The following CEP128 variants were observed in gnomAD, a reference collection of about 807,000 sequenced individuals.
The protein encoded by CEP128 is centrosomal protein 128.
CEP128 carries 132 observed loss-of-function variants against 156.7 expected under a neutral mutation model. That is an observed-to-expected ratio of 0.84 (90% CI 0.73 to 0.97). The LOEUF (loss-of-function observed/expected upper bound fraction) is 0.97, where lower values mean the gene tolerates loss of function less well. CEP128 is among the 50% of genes least tolerant of loss of function. The pLI is 0.00. For missense variants in CEP128, 1,252 were observed against 1,281.9 expected (o/e 0.98, Z 0.36); for synonymous variants, 469 against 448.9 (o/e 1.04, Z -0.57).
chr14:80,761,306 A>G (rs953886216), intron 17 of CEP128, 131 bp downstream of exon 17: 1 of 657,760 alleles, frequency 1.5e-6, no homozygotes, highest in Non-Finnish European at 2.4e-6. Context: ...ATTCTAAAAA[A>G]TGCAAAATGT....
chr14:80,529,794 T>G (rs911540649), intron 22 of CEP128, among the ~76,000 whole-genome samples: 1 of 152,214 alleles, frequency 6.6e-6, no homozygotes, highest in Admixed American at 6.5e-5. Context: ...AATCAAACAC[T>G]TGGTTTTGTT....
intron 13 of CEP128, among the ~76,000 whole-genome samples, chr14:80,809,417 G>A (rs918175956): frequency 6.6e-6 from 1 of 152,044 alleles, no homozygotes; most frequent in Non-Finnish European, 1.5e-5. Flanking sequence ...AAGGTGAGGA[G>A]GAAAGAAAGT....
intron 12 of CEP128, among the ~76,000 whole-genome samples, chr14:80,832,874 T>C (rs1885879963): frequency 6.6e-6 from 1 of 152,184 alleles, no homozygotes; most frequent in African/African-American, 2.4e-5. Flanking sequence ...GAATTTATCC[T>C]ACAAACCAAG....
intron 19 of CEP128, among the ~76,000 whole-genome samples, chr14:80,703,005 C>A (rs1398111968): frequency 6.6e-6 from 1 of 152,000 alleles, no homozygotes; most frequent in East Asian, 1.9e-4. Context: ...TGTATTTAAA[C>A]TATTTTTATG....
intron 6 of CEP128, among the ~76,000 whole-genome samples, chr14:80,903,690 AAC>A: frequency 6.6e-6 from 1 of 152,228 alleles, no homozygotes; most frequent in South Asian, 2.1e-4. Context: ...AGAGGACCTG[AAC>A]AGACATTTCT....
At chr14:80,598,805 G>T (rs143997901) in intron 19 of CEP128, among the ~76,000 whole-genome samples, 1 of 152,208 alleles carries the variant, frequency 6.6e-6, no homozygotes, top group African/African-American at 2.4e-5. Flanking sequence ...AAAAGTAATT[G>T]AACAGAATAG....
At chr14:80,533,697 C>G (rs1889341356) in intron 21 of CEP128, among the ~76,000 whole-genome samples, 1 of 152,098 alleles carries the variant, frequency 6.6e-6, no homozygotes, top group Non-Finnish European at 1.5e-5. Flanking sequence ...TCTCCCTTAA[C>G]CAATCTTTAT....
chr14:80,912,877 A>T (rs1288642538), intron 4 of CEP128, among the ~76,000 whole-genome samples: 3 of 152,180 alleles, frequency 2.0e-5, no homozygotes, highest in African/African-American at 7.2e-5. Flanking sequence ...GTTTCCAATG[A>T]TAGGTACATA....
intron 19 of CEP128, among the ~76,000 whole-genome samples, chr14:80,671,671 T>C (rs1895847599): frequency 6.6e-6 from 1 of 152,174 alleles, no homozygotes; most frequent in African/African-American, 2.4e-5. Flanking sequence ...TGTAGATATG[T>C]GTACAATTCA....
chr14:80,855,534 A>T (rs1443731435), intron 9 of CEP128, among the ~76,000 whole-genome samples: 1 of 152,198 alleles, frequency 6.6e-6, no homozygotes, highest in East Asian at 1.9e-4. Context: ...TATGAATATG[A>T]ATAACTGTAT....
chr14:80,676,536 T>C (rs1242937358), intron 19 of CEP128, among the ~76,000 whole-genome samples: 1 of 152,164 alleles, frequency 6.6e-6, no homozygotes, highest in African/African-American at 2.4e-5. Flanking sequence ...ATCTTCATCT[T>C]AGTTTATTGC....
intron 19 of CEP128, among the ~76,000 whole-genome samples, chr14:80,704,430 G>A (rs1383375987): frequency 1.3e-5 from 2 of 151,754 alleles, no homozygotes; most frequent in Admixed American, 1.3e-4. Context: ...TGTCAAAGAG[G>A]AAGACGTATA....
intron 23 of CEP128, among the ~76,000 whole-genome samples, chr14:80,519,062 G>A (rs949461565): frequency 6.6e-6 from 1 of 152,156 alleles, no homozygotes; most frequent in Non-Finnish European, 1.5e-5. Flanking sequence ...TATTAAAAAG[G>A]AAATATTTGT....
upstream of CEP128, among the ~76,000 whole-genome samples, chr14:80,944,049 T>G (rs1036434128): frequency 6.6e-6 from 1 of 151,990 alleles, no homozygotes; most frequent in African/African-American, 2.4e-5. Context: ...TTTTTATGTC[T>G]TAACAAAATA....
intron 9 of CEP128, among the ~76,000 whole-genome samples, chr14:80,850,248 A>G (rs1886821767): frequency 1.3e-5 from 2 of 152,188 alleles, no homozygotes; most frequent in African/African-American, 4.8e-5. Context: ...GTAATAACAG[A>G]CAGTTAATTA....
chr14:80,943,681 C>T (rs1410891151), upstream of CEP128, among the ~76,000 whole-genome samples: 1 of 152,122 alleles, frequency 6.6e-6, no homozygotes, highest in Non-Finnish European at 1.5e-5. Flanking sequence ...AGTCAACAGA[C>T]GTGGCATCCC....
intron 19 of CEP128, among the ~76,000 whole-genome samples, chr14:80,672,186 AACTC>A (rs900624867): frequency 2.2e-4 from 34 of 152,148 alleles, no homozygotes; most frequent in African/African-American, 7.7e-4. Flanking sequence ...CAAATAAAAA[AACTC>A]AAGCAAGCTG....
intron 19 of CEP128, among the ~76,000 whole-genome samples, chr14:80,619,839 A>ATCTCCATACAC (rs777308839): frequency 1.1e-4 from 17 of 152,230 alleles, no homozygotes; most frequent in Non-Finnish European, 1.9e-4. Flanking sequence ...GAAAAGAATG[A>ATCTCCATACAC]GTAGGCCAGG....
intron 19 of CEP128, among the ~76,000 whole-genome samples, chr14:80,708,287 A>C (rs1897290696): frequency 6.6e-6 from 1 of 152,152 alleles, no homozygotes; most frequent in African/African-American, 2.4e-5. Context: ...CTAGATTCTG[A>C]GTCACTTTCA....
Sources: allele counts gnomAD v4.1 joint callset (sites outside exome capture counted in the v4.1 genomes callset), GRCh38; gene constraint gnomAD v4.1.1; transcripts MANE v1.5; gene names NCBI Gene and HGNC (gene_info 2026-07-23, HGNC 2026-07-21).